SPOCK3: variants seen among roughly 807,000 people sequenced by gnomAD.
SPOCK3 encodes the protein SPARC (osteonectin), cwcv and kazal like domains proteoglycan 3.
A neutral mutation model predicts 56.6 loss-of-function variants in SPOCK3; 30 were observed. That is an observed-to-expected ratio of 0.53 (90% CI 0.40 to 0.72). The LOEUF (loss-of-function observed/expected upper bound fraction) is 0.72, where lower values mean the gene tolerates loss of function less well. SPOCK3 is among the 30% of genes least tolerant of loss of function. The pLI, the probability that SPOCK3 is intolerant of heterozygous loss-of-function variation, is 0.00. For synonymous variants in SPOCK3, 196 were observed against 183.3 expected, an observed-to-expected ratio of 1.07 and a Z score of -0.56; for missense variants, 527 against 530.0, an observed-to-expected ratio of 0.99 and a Z score of 0.06.
chr4:166,822,900 C>T (rs1019935461), intron 6 of SPOCK3, among the ~76,000 whole-genome samples: 13 of 151,962 alleles, frequency 8.6e-5, no homozygotes, highest in African/African-American at 2.4e-4. Flanking sequence ...GAGAAGCTCA[C>T]ATTTTTTCTT....
intron 6 of SPOCK3, among the ~76,000 whole-genome samples, chr4:166,874,287 CAAG>C (rs1254094825): frequency 2.0e-5 from 3 of 152,022 alleles, no homozygotes; most frequent in Non-Finnish European, 4.4e-5. Context: ...TGAACGCAAG[CAAG>C]AAGTTCTTGT....
chr4:167,165,852 T>C (rs1024187938), intron 2 of SPOCK3, among the ~76,000 whole-genome samples: 10 of 151,966 alleles, frequency 6.6e-5, no homozygotes, highest in South Asian at 2.1e-4. Context: ...TGTAAATTGA[T>C]AGATATGACA....
At chr4:166,994,418 C>A (rs1748134357) in intron 4 of SPOCK3, among the ~76,000 whole-genome samples, 2 of 152,072 alleles carry the variant, frequency 1.3e-5, no homozygotes, top group Admixed American at 6.6e-5. Flanking sequence ...TGAAGCCAGG[C>A]ATTCTGTCTC....
At chr4:166,748,147 T>C (rs1422265619) in intron 8 of SPOCK3, among the ~76,000 whole-genome samples, 1 of 142,804 alleles carries the variant, frequency 7.0e-6, no homozygotes, top group Non-Finnish European at 1.5e-5. Flanking sequence ...TTAAAGTTCA[T>C]ATGGAATCAA....
intron 2 of SPOCK3, among the ~76,000 whole-genome samples, chr4:167,091,757 C>T (rs369991997): frequency 7.9e-5 from 12 of 152,058 alleles, no homozygotes; most frequent in African/African-American, 2.9e-4. Flanking sequence ...AGTGGAAAAT[C>T]CCCATGAATC....
At chr4:167,063,115 A>G (rs892597494) in intron 2 of SPOCK3, among the ~76,000 whole-genome samples, 1 of 151,878 alleles carries the variant, frequency 6.6e-6, no homozygotes, top group African/African-American at 2.4e-5. Context: ...CTAGAGGTTG[A>G]AAAGAATGCA....
At chr4:167,223,018 A>G (rs1253304373) in intron 2 of SPOCK3, among the ~76,000 whole-genome samples, 1 of 121,654 alleles carries the variant, frequency 8.2e-6, no homozygotes, top group Non-Finnish European at 1.6e-5. Flanking sequence ...TTTATATATG[A>G]ATATATAATA....
chr4:166,779,714 A>G (rs1421112376), intron 7 of SPOCK3, among the ~76,000 whole-genome samples: 4 of 152,278 alleles, frequency 2.6e-5, no homozygotes, highest in African/African-American at 9.6e-5. Flanking sequence ...TATTTGAAGA[A>G]ATAATGGCAG....
At chr4:166,747,235 G>A (rs13127546) in intron 8 of SPOCK3, among the ~76,000 whole-genome samples, 120,137 of 152,040 alleles carry the variant, frequency 0.79, 47,718 homozygotes, top group South Asian at 0.82. Context: ...AAAATCCTCA[G>A]TAAAATACTG....
intron 2 of SPOCK3, among the ~76,000 whole-genome samples, chr4:167,205,496 AAT>A (rs1300059591): frequency 6.0e-4 from 34 of 56,516 alleles, no homozygotes; most frequent in Admixed American, 2.1e-3. Flanking sequence ...TATAATATAT[AAT>A]ATATATTATA....
intron 6 of SPOCK3, among the ~76,000 whole-genome samples, chr4:166,867,544 T>C (rs1731970970): frequency 6.6e-6 from 1 of 151,714 alleles, no homozygotes. Context: ...TAGAAATGAA[T>C]TCCCTAATTT....
intron 2 of SPOCK3, among the ~76,000 whole-genome samples, chr4:167,168,397 T>C (rs1215629442): frequency 1.3e-5 from 2 of 152,130 alleles, no homozygotes; most frequent in Non-Finnish European, 2.9e-5. Flanking sequence ...GTTTGGAACT[T>C]CTTAGAGACT....
intron 3 of SPOCK3, among the ~76,000 whole-genome samples, chr4:167,019,442 TAG>T (rs1426790839): frequency 2.6e-5 from 4 of 151,744 alleles, no homozygotes; most frequent in Non-Finnish European, 4.4e-5. Context: ...GTGATATACA[TAG>T]AGTTATAACC....
chr4:167,170,608 CAA>C (rs1457067813), intron 2 of SPOCK3, among the ~76,000 whole-genome samples: 1 of 152,132 alleles, frequency 6.6e-6, no homozygotes, highest in Non-Finnish European at 1.5e-5. Flanking sequence ...AATATCCTGC[CAA>C]AGTCACACAG....
chr4:167,065,037 C>CAAAAAAAAAAAAAAA (rs56284627), intron 2 of SPOCK3, among the ~76,000 whole-genome samples: 16 of 64,052 alleles, frequency 2.5e-4, no homozygotes, highest in African/African-American at 7.1e-4. Flanking sequence ...ATGCCCTCTC[C>CAAAAAAAAAAAAAAA]AAAAAAAAAA....
chr4:167,204,722 T>C (rs146352095), intron 2 of SPOCK3, among the ~76,000 whole-genome samples: 59 of 151,984 alleles, frequency 3.9e-4, no homozygotes, highest in African/African-American at 1.4e-3. Flanking sequence ...AGTTGTTACA[T>C]GAGAAAAAAA....
At chr4:166,794,274 T>G (rs954440873) in intron 6 of SPOCK3, among the ~76,000 whole-genome samples, 1 of 149,506 alleles carries the variant, frequency 6.7e-6, no homozygotes, top group Admixed American at 6.7e-5. Context: ...TGTAGCCTGC[T>G]GTCTCTGTTT....
intron 7 of SPOCK3, among the ~76,000 whole-genome samples, chr4:166,787,505 C>T (rs1245216288): frequency 1.3e-5 from 2 of 152,090 alleles, no homozygotes; most frequent in Non-Finnish European, 2.9e-5. Flanking sequence ...TAGTTCTATT[C>T]ACTAAGCATC....
At chr4:167,130,830 T>C (rs1026189356) in intron 2 of SPOCK3, among the ~76,000 whole-genome samples, 1 of 152,158 alleles carries the variant, frequency 6.6e-6, no homozygotes, top group Admixed American at 6.5e-5. Context: ...ACCATGTCAC[T>C]AGAAAAATTT....
Sources: gnomAD v4.1 joint callset for allele counts (sites outside exome capture counted in the v4.1 genomes callset) on GRCh38, gnomAD v4.1.1 for gene constraint, MANE v1.5 for transcripts, NCBI Gene and HGNC (gene_info 2026-07-23, HGNC 2026-07-21) for gene names.